ZCCHC10: variants seen among roughly 807,000 people sequenced by gnomAD.
The protein encoded by ZCCHC10 is zinc finger CCHC-type containing 10, also known as zinc finger CCHC domain-containing protein 10.
Under a neutral mutation model 19.5 loss-of-function variants are expected in ZCCHC10, and 16 were observed. The observed-to-expected ratio is 0.82, with a 90% CI of 0.56 to 1.25. The LOEUF (loss-of-function observed/expected upper bound fraction) is 1.25. Among genes scored for constraint, ZCCHC10 ranks in the 50% most tolerant of loss-of-function variants. The probability of loss-of-function intolerance (pLI) is 0.00; values close to 1 mark genes in which losing one functional copy is unlikely to be tolerated. For missense variants in ZCCHC10, 197 were observed against 201.0 expected, an observed-to-expected ratio of 0.98 and a Z score of 0.12; for synonymous variants, 67 against 72.5, an observed-to-expected ratio of 0.92 and a Z score of 0.38.
chr5:133,013,908 C>A (rs1763742335), intron 2 of ZCCHC10, among the ~76,000 whole-genome samples: 1 of 151,906 alleles, frequency 6.6e-6, no homozygotes. Flanking sequence ...ACAAGTATAC[C>A]AAAAAATATT....
chr5:133,016,508 T>A (rs1213490794), intron 2 of ZCCHC10, among the ~76,000 whole-genome samples: 1 of 152,090 alleles, frequency 6.6e-6, no homozygotes, highest in African/African-American at 2.4e-5. Context: ...AATGGCGCAA[T>A]CTTGGCTCAC....
intron 3 of ZCCHC10, among the ~76,000 whole-genome samples, chr5:133,001,310 G>T (rs1217369663): frequency 6.6e-6 from 1 of 151,886 alleles, no homozygotes; most frequent in South Asian, 2.1e-4. Context: ...AGAATCTCTT[G>T]AACCTGGGAG....
In ZCCHC10 at chr5:133,006,884, G is replaced by A. The variant is rs770357401; in HGVS notation, c.144C>T (p.Cys48=). Residue 48 remains cysteine, a synonymous_variant, in exon 3 of 5, where the codon TGC becomes TGT. Transcript: ENST00000509437. ...ANKQHVRCQK[C]LEFGHWTYEC... Reference sequence around the variant, plus strand: ...CATAAGTCCAATGTCCAAATTCCAAGCATTTCTGACATCTTACATGTTGCT... The same window carrying A: ...CATAAGTCCAATGTCCAAATTCCAAACATTTCTGACATCTTACATGTTGCT... 30 of 1,611,740 alleles carry A rather than the reference G, an allele frequency of 1.9e-5. No individual in the cohort carries two copies. Among genetic ancestry groups the A allele is most frequent in the South Asian group, 2.2e-5 (2 of 90,432 alleles).
In ZCCHC10 at chr5:133,026,544, G is replaced by C; in HGVS notation, c.-7C>G. 1 of 1,613,460 alleles carries C rather than the reference G, an allele frequency of 6.2e-7. No individual in the cohort carries two copies. Among genetic ancestry groups the C allele is most frequent in the Non-Finnish European group, 8.5e-7 (1 of 1,179,844 alleles). The stretch of plus-strand genomic sequence containing the variant: ...GATGCATGGGAGTCGCCATCTTAGC[G>C]CGGTCAAAGCCGGCCGCGCAGGGTT... On this transcript the variant is annotated 5_prime_UTR_variant, in exon 1 of 5. Transcript: ENST00000509437.
chr5:132,999,708 T>C (rs1762642448), intron 4 of ZCCHC10, among the ~76,000 whole-genome samples: 1 of 152,188 alleles, frequency 6.6e-6, no homozygotes, highest in Admixed American at 6.6e-5. Context: ...AGGATGATTA[T>C]TTAATTATAA....
chr5:133,000,131 C>A lies in ZCCHC10; in HGVS notation c.311+1G>T. 6.2e-7 allele frequency: 1 copy of A among 1,613,790 alleles called. No individual in the cohort carries two copies. ...TAAAACACTGCTAAAACCACACATA[C>A]CTTTTTTTCTTGGCCTTTCTTTCTA... On this transcript the variant is annotated splice_donor_variant, in intron 4 of 4. Transcript: ENST00000509437. LOFTEE classifies it high-confidence loss of function.
chr5:133,000,644 CTTTTT>C (rs200042984), intron 3 of ZCCHC10, among the ~76,000 whole-genome samples: 2 of 134,532 alleles, frequency 1.5e-5, no homozygotes, highest in East Asian at 2.1e-4. Flanking sequence ...CCGTTATTTA[CTTTTT>C]TTTTTTTTTT....
intron 2 of ZCCHC10, among the ~76,000 whole-genome samples, chr5:133,007,366 C>T (rs563473498): frequency 6.6e-6 from 1 of 152,122 alleles, no homozygotes; most frequent in East Asian, 1.9e-4. Context: ...CATGGTGAAA[C>T]CCCATCTCCA....
chr5:133,023,331 A>G (rs968291559), intron 1 of ZCCHC10, among the ~76,000 whole-genome samples: 1 of 152,152 alleles, frequency 6.6e-6, no homozygotes, highest in South Asian at 2.1e-4. Context: ...TTACAAGGTA[A>G]AAATAATTAA....
chr5:133,006,998 A>T, intron 2 of ZCCHC10, 78 bp from the exon 3 acceptor site: 1 of 1,362,816 alleles, frequency 7.3e-7, no homozygotes, highest in South Asian at 1.7e-5. Context: ...AAAAAATATA[A>T]AGGATAAAAT....
intron 2 of ZCCHC10, among the ~76,000 whole-genome samples, chr5:133,017,207 C>G (rs540233589): frequency 2.0e-5 from 3 of 152,230 alleles, no homozygotes; most frequent in African/African-American, 7.2e-5. Context: ...CCAGTTCAAG[C>G]TCCTCTGTAG....
chr5:133,006,318 TG>T (rs1229028758), intron 3 of ZCCHC10, among the ~76,000 whole-genome samples: 1 of 152,156 alleles, frequency 6.6e-6, no homozygotes, highest in Non-Finnish European at 1.5e-5. Context: ...TTAATATACC[TG>T]GTACTTCTTG....
chr5:133,001,465 CT>C (rs1006324617), intron 3 of ZCCHC10, among the ~76,000 whole-genome samples: 8 of 149,756 alleles, frequency 5.3e-5, no homozygotes, highest in African/African-American at 1.2e-4. Context: ...GTAAATTTAA[CT>C]TTTTTTTTTC....
chr5:133,015,255 T>C (rs1763845873), intron 2 of ZCCHC10, among the ~76,000 whole-genome samples: 1 of 152,090 alleles, frequency 6.6e-6, no homozygotes, highest in South Asian at 2.1e-4. Context: ...ATTTTTGTAT[T>C]TTTAGCAGAT....
intron 2 of ZCCHC10, among the ~76,000 whole-genome samples, chr5:133,018,196 C>T (rs1764053915): frequency 6.7e-6 from 1 of 148,374 alleles, no homozygotes; most frequent in Non-Finnish European, 1.5e-5. Flanking sequence ...AGATAGTAAA[C>T]AAACCAAGGC....
At chr5:133,006,976 C>T in intron 2 of ZCCHC10, 56 bp from the exon 3 acceptor site, 1 of 1,462,010 alleles carries the variant, frequency 6.8e-7, no homozygotes, top group Non-Finnish European at 9.1e-7. Context: ...GACTTTCACC[C>T]TAAAAACTAT....
At chr5:133,022,244 T>C (rs1398002271) in intron 2 of ZCCHC10, among the ~76,000 whole-genome samples, 2 of 152,202 alleles carry the variant, frequency 1.3e-5, no homozygotes, top group Non-Finnish European at 2.9e-5. Context: ...TTTTTCTTTT[T>C]AAACTTTTTT....
Position 133,000,032 on chromosome 5 carries a change from G to A in ZCCHC10, c.311+100C>T, listed in dbSNP as rs1489464518. 4 of 1,348,334 alleles carry A rather than the reference G, an allele frequency of 3.0e-6. No individual in the cohort carries two copies. The Admixed American group carries it at 7.5e-5, about 25-fold the overall frequency. The allele number at this position is 1,348,334 out of a possible 1,614,324, so 83.5% of individuals were successfully genotyped here. A position where few individuals can be genotyped will look rare whatever the true frequency, so the allele number is the denominator to read the frequency against. On this transcript the variant is annotated intron_variant, in intron 4 of 4. Coordinates refer to ENST00000509437, the MANE Select transcript of ZCCHC10 (RefSeq NM_001300816.3). ...CAAAGTGCTGGGATTATAGGCATGA[G>A]CCACTGCATCTGGCATAGCTATTGT...
intron 1 of ZCCHC10, 142 bp downstream of exon 1, chr5:133,026,355 G>A: frequency 8.2e-7 from 1 of 1,225,140 alleles, no homozygotes; most frequent in African/African-American, 1.5e-5. Context: ...TTATCGCCCG[G>A]GCCCGAGCCC....
Sources: gnomAD v4.1 joint callset for allele counts (sites outside exome capture counted in the v4.1 genomes callset) on GRCh38, gnomAD v4.1.1 for gene constraint, MANE v1.5 for transcripts, NCBI Gene and HGNC (gene_info 2026-07-23, HGNC 2026-07-21) for gene names.